TRRAP: variants seen among roughly 807,000 people sequenced by gnomAD.
The protein encoded by TRRAP is transformation/transcription domain associated protein.
In TRRAP, 41 loss-of-function variants were observed where a neutral mutation model predicts 438.8. The observed-to-expected ratio is 0.09, with a 90% CI of 0.07 to 0.12. The LOEUF (loss-of-function observed/expected upper bound fraction) is 0.12, where lower values mean the gene tolerates loss of function less well. Ranked by LOEUF, TRRAP falls within the 10% of genes least tolerant of loss-of-function variation. The pLI, the probability that TRRAP is intolerant of heterozygous loss-of-function variation, is 1.00. For missense variants in TRRAP, 3,122 were observed against 5,055.1 expected (o/e 0.62, Z 11.60); for synonymous variants, 1,994 against 1,962.9 (o/e 1.02, Z -0.42).
intron 69 of TRRAP, among the ~76,000 whole-genome samples, chr7:99,006,054 T>C (rs1794150451): frequency 6.6e-6 from 1 of 152,222 alleles, no homozygotes; most frequent in African/African-American, 2.4e-5. Flanking sequence ...AAAGTCTAGC[T>C]GCCCTGTTAA....
intron 52 of TRRAP, among the ~76,000 whole-genome samples, chr7:98,970,775 T>C (rs1455250370): frequency 6.6e-6 from 1 of 152,202 alleles, no homozygotes; most frequent in African/African-American, 2.4e-5. Flanking sequence ...GGGGGAATGC[T>C]GCCTGCCACA....
chr7:98,948,148 T>C lies in TRRAP; in HGVS notation c.4549-73T>C. The C allele has an allele frequency of 1.3e-6, 2 of 1,596,548 alleles. No individual in the cohort carries two copies. The highest frequency in any genetic ancestry group is 1.7e-6 in the Non-Finnish European group (2 of 1,172,752). On this transcript the variant is annotated intron_variant, in intron 33 of 72. Transcript: ENST00000456197. This position sits in a 1 kb window ranked among gnomAD's most constrained non-coding sequence, Gnocchi z 4.9. ...CCAACATAGTTAGACTATAGTAGGG[T>C]CTGTAGTGACGTTGACCTCTGTCAC...
intron 22 of TRRAP, among the ~76,000 whole-genome samples, chr7:98,925,492 T>C (rs1790007655): frequency 6.6e-6 from 1 of 152,202 alleles, no homozygotes; most frequent in Non-Finnish European, 1.5e-5. Flanking sequence ...TATTGTGTCT[T>C]GTCACCTCCT....
chr7:98,918,116 G>A (rs1310097614), intron 20 of TRRAP, among the ~76,000 whole-genome samples: 3 of 132,422 alleles, frequency 2.3e-5, no homozygotes, highest in African/African-American at 1.1e-4. Flanking sequence ...ATCAGACCCT[G>A]TCTCAAAAAA....
intron 62 of TRRAP, among the ~76,000 whole-genome samples, chr7:98,986,325 T>C (rs1384857801): frequency 1.3e-5 from 2 of 152,254 alleles, no homozygotes; most frequent in Admixed American, 6.5e-5. Flanking sequence ...TGGGTCATAT[T>C]GTACTTCTCT....
At chr7:98,966,737 A>C (rs1426729860) in intron 49 of TRRAP, among the ~76,000 whole-genome samples, 2 of 152,194 alleles carry the variant, frequency 1.3e-5, no homozygotes, top group African/African-American at 4.8e-5. Flanking sequence ...TATGGCGATA[A>C]AGATAAGACA....
rs968933552 is a variant in TRRAP at position 99,000,167 on chromosome 7, A to C, written c.10310-4023A>C. ...GGATTACAGGTGCACGTGCCACCAC[A>C]CCTGGCTAATTTTTGATTTTTAGTA... On this transcript the variant is annotated intron_variant, in intron 67 of 72. Coordinates refer to ENST00000456197, the MANE Select transcript of TRRAP (RefSeq NM_001375524.1). Among the ~76,000 whole-genome samples the C allele has an allele frequency of 7.9e-5, 12 of 152,066 alleles. No individual in the cohort carries two copies. The East Asian group carries it at 2.3e-3, about 29-fold the overall frequency.
chr7:98,931,839 A>C (rs973580019), intron 26 of TRRAP, among the ~76,000 whole-genome samples, 174 bp downstream of exon 26: 1 of 152,216 alleles, frequency 6.6e-6, no homozygotes, highest in Non-Finnish European at 1.5e-5. Context: ...TATCTGATGT[A>C]AAATGGTGTG....
At chr7:98,974,284 C>A (rs1173980354) in intron 53 of TRRAP, among the ~76,000 whole-genome samples, 1 of 152,124 alleles carries the variant, frequency 6.6e-6, no homozygotes, top group Non-Finnish European at 1.5e-5. Flanking sequence ...TTGTTGTTTC[C>A]ACCCTGATGT....
At chr7:99,002,470 C>T (rs1793973462) in intron 67 of TRRAP, among the ~76,000 whole-genome samples, 2 of 152,126 alleles carry the variant, frequency 1.3e-5, no homozygotes, top group Non-Finnish European at 2.9e-5. Flanking sequence ...CTAGGAATTT[C>T]AGAATAAAAG....
At chr7:98,964,916 C>T in intron 48 of TRRAP, 141 bp downstream of exon 48, 1 of 1,114,768 alleles carries the variant, frequency 9.0e-7, no homozygotes. Flanking sequence ...TTACCATTTG[C>T]TCTTCAATGT....
At chr7:98,937,012 G>A (rs1478582716) in intron 28 of TRRAP, 144 bp from the exon 29 acceptor site, 4 of 1,063,904 alleles carry the variant, frequency 3.8e-6, no homozygotes, top group Non-Finnish European at 4.9e-6. Flanking sequence ...AGAATCCCTT[G>A]AGGCCAGGAG....
intron 53 of TRRAP, 73 bp downstream of exon 53, chr7:98,972,018 C>A: frequency 6.6e-7 from 1 of 1,513,348 alleles, no homozygotes; most frequent in South Asian, 1.3e-5. Context: ...CAGGATCATT[C>A]CACAGCAGTG....
intron 4 of TRRAP, among the ~76,000 whole-genome samples, chr7:98,891,450 C>G (rs1321157128): frequency 3.3e-5 from 5 of 151,762 alleles, no homozygotes; most frequent in African/African-American, 1.2e-4. Context: ...ATCCGCCCAC[C>G]TCGGCCTCCC....
Position 98,990,584 on chromosome 7 carries a change from T to G in TRRAP, c.9721T>G (p.Ser3241Ala). ...IPQLLTCLVG[S>A]EGKLLLNLIS... ...ACAGCTGCTCACCTGCCTGGTTGGC[T>G]CGGAGGGAAAGCTGCTCTTGAACCT... is the stretch of plus-strand genomic sequence containing the variant. Residue 3241 changes from serine to alanine, a missense_variant, in exon 64 of 73, where the codon TCG becomes GCG. By Grantham distance (99) the Ser-to-Ala change is moderately conservative. This residue lies in a region of TRRAP where 52 missense variants were observed against 88.3 expected (regional missense o/e 0.59). Transcript: ENST00000456197. 1 of 1,614,112 alleles carries G rather than the reference T, an allele frequency of 6.2e-7. No individual in the cohort carries two copies. The highest frequency in any genetic ancestry group is 8.5e-7 in the Non-Finnish European group (1 of 1,179,928).
At chr7:98,902,491 C>T (rs1447693455) in intron 11 of TRRAP, among the ~76,000 whole-genome samples, 1 of 152,060 alleles carries the variant, frequency 6.6e-6, no homozygotes, top group African/African-American at 2.4e-5. Context: ...AATTAAAGAG[C>T]TGAATTGTTT....
intron 29 of TRRAP, 67 bp downstream of exon 29, chr7:98,937,344 A>G: frequency 6.4e-7 from 1 of 1,552,358 alleles, no homozygotes; most frequent in Non-Finnish European, 8.7e-7. Flanking sequence ...ACTCTGCATT[A>G]AGAGTTCTTC....
At chr7:98,926,741 C>T (rs1790062837) in intron 22 of TRRAP, among the ~76,000 whole-genome samples, 2 of 151,734 alleles carry the variant, frequency 1.3e-5, no homozygotes, top group Admixed American at 6.6e-5. Flanking sequence ...CCTGAAAAAA[C>T]GTGCTGTAAT....
chr7:98,992,560 C>CAT (rs1554428059), intron 65 of TRRAP, among the ~76,000 whole-genome samples: 13,117 of 149,200 alleles, frequency 0.088, 1,905 homozygotes, highest in African/African-American at 0.3. Flanking sequence ...TGCCAGCTGC[C>CAT]GTGTGTGTGT....
Sources: gnomAD v4.1 joint callset for allele counts (sites outside exome capture counted in the v4.1 genomes callset) on GRCh38, gnomAD v4.1.1 for gene constraint, gnomAD v4.1.1 regional missense constraint, Gnocchi (gnomAD v3.1) non-coding constraint, MANE v1.5 for transcripts, NCBI Gene and HGNC (gene_info 2026-07-23, HGNC 2026-07-21) for gene names.